Variants in FBLN5 observed in about 807,000 individuals in gnomAD.
FBLN5 encodes the protein fibulin 5.
Under a neutral mutation model 61.6 loss-of-function variants are expected in FBLN5, and 24 were observed. That is an observed-to-expected ratio of 0.39 (90% confidence interval 0.28 to 0.55). The LOEUF is 0.55. Among genes scored for constraint, FBLN5 ranks in the 20% least tolerant of loss-of-function variants. FBLN5 has a pLI of 0.65. For missense variants in FBLN5, 470 were observed against 594.1 expected (o/e 0.79, Z 2.17); for synonymous variants, 213 against 219.8 (o/e 0.97, Z 0.27).
intron 4 of FBLN5, among the ~76,000 whole-genome samples, chr14:91,908,874 G>A (rs923490266): frequency 6.6e-6 from 1 of 151,860 alleles, no homozygotes; most frequent in African/African-American, 2.4e-5. Flanking sequence ...TCTTGATTCA[G>A]GAGGTCTAGA....
chr14:91,908,964 C>A (rs546890187), intron 4 of FBLN5, among the ~76,000 whole-genome samples: 1 of 152,054 alleles, frequency 6.6e-6, no homozygotes, highest in East Asian at 1.9e-4. Flanking sequence ...GTCGCTCAGG[C>A]TGGAGTGAAG....
chr14:91,919,671 G>A (rs1356156051), intron 4 of FBLN5, among the ~76,000 whole-genome samples: 1 of 152,204 alleles, frequency 6.6e-6, no homozygotes, highest in Non-Finnish European at 1.5e-5. Flanking sequence ...AGAGGAAACT[G>A]AGACACAAAC....
At position 91,947,365 on chromosome 14, in the gene FBLN5, G is replaced by T; in HGVS notation, c.-136C>A. ...GTTTTATTCCAGAGGGGCCGAGCGAGTCGTGGAGAGGACACGGGGAGAGCG... is the reference window on the plus strand; with the variant it reads ...GTTTTATTCCAGAGGGGCCGAGCGATTCGTGGAGAGGACACGGGGAGAGCG... On this transcript the variant is annotated 5_prime_UTR_variant, in exon 1 of 11. Transcript: ENST00000342058. This position sits in a 1 kb window ranked among gnomAD's most constrained non-coding sequence, Gnocchi z 4.3. 1.0e-6 allele frequency: 1 copy of T among 968,520 alleles called. No homozygotes were observed. The highest frequency in any genetic ancestry group is 1.6e-6 in the Non-Finnish European group (1 of 613,360). The allele number at this position is 968,520 out of a possible 1,614,324, so 60.0% of individuals were successfully genotyped here. A position where few individuals can be genotyped will look rare whatever the true frequency, so the allele number is the denominator to read the frequency against.
intron 4 of FBLN5, among the ~76,000 whole-genome samples, chr14:91,904,724 C>T (rs952354101): frequency 6.6e-6 from 1 of 152,350 alleles, no homozygotes; most frequent in East Asian, 1.9e-4. Flanking sequence ...GGGGGCTCCA[C>T]CCCTGTGACC....
chr14:91,947,100 T>C lies in FBLN5; in HGVS notation c.17+113A>G, dbSNP rs762726578. On this transcript the variant is annotated intron_variant, in intron 1 of 10. Coordinates refer to ENST00000342058, the MANE Select transcript of FBLN5 (RefSeq NM_006329.4). The surrounding 1 kb of genome is among the most constrained non-coding windows in gnomAD (Gnocchi z 4.3). ...ATCATTGCATCACTAGCTCATGCCT[T>C]TTCCAATATCCTGACACCGCCTGAA... 4.5e-6 allele frequency: 7 copies of C among 1,568,176 alleles called. No homozygotes were observed. Among genetic ancestry groups the C allele is most frequent in the Non-Finnish European group, 6.1e-6 (7 of 1,148,754 alleles).
intron 5 of FBLN5, among the ~76,000 whole-genome samples, chr14:91,894,412 A>AAC (rs1308940509): frequency 2.0e-4 from 30 of 147,362 alleles, no homozygotes; most frequent in Non-Finnish European, 3.9e-4. Flanking sequence ...CAAAAAAAAA[A>AAC]AAAAAAAAAA....
intron 4 of FBLN5, among the ~76,000 whole-genome samples, chr14:91,907,930 T>C (rs895968579): frequency 4.6e-5 from 7 of 152,016 alleles, no homozygotes; most frequent in Non-Finnish European, 7.4e-5. Context: ...CTGAGTTAGC[T>C]TCAATCAGAA....
At chr14:91,936,840 T>A in intron 4 of FBLN5, 107 bp downstream of exon 4, 1 of 1,272,736 alleles carries the variant, frequency 7.9e-7, no homozygotes, top group Non-Finnish European at 1.1e-6. Flanking sequence ...ATTGTTTCAC[T>A]GGTGCATTGA....
intron 4 of FBLN5, among the ~76,000 whole-genome samples, chr14:91,912,906 G>A (rs931900471): frequency 1.3e-5 from 2 of 151,676 alleles, no homozygotes; most frequent in Non-Finnish European, 2.9e-5. Flanking sequence ...CCAAAAAGCA[G>A]AAAATGTACT....
At chr14:91,915,495 C>T (rs1032030127) in intron 4 of FBLN5, among the ~76,000 whole-genome samples, 2 of 151,744 alleles carry the variant, frequency 1.3e-5, no homozygotes, top group Non-Finnish European at 2.9e-5. Context: ...ACTATCCTGG[C>T]TAATATGGTG....
At chr14:91,905,666 A>G (rs138898302) in intron 4 of FBLN5, among the ~76,000 whole-genome samples, 1,765 of 138,996 alleles carry the variant, frequency 0.013, 38 homozygotes, top group African/African-American at 0.045. Context: ...TGCAACCTCC[A>G]CCTCCTGGGT....
chr14:91,870,754 G>A (rs771024367), intron 10 of FBLN5, among the ~76,000 whole-genome samples: 4 of 152,214 alleles, frequency 2.6e-5, no homozygotes, highest in Non-Finnish European at 5.9e-5. Flanking sequence ...TAGGCTATGA[G>A]TTCTGTAAGA....
chr14:91,941,129 CTCTT>C (rs1027923194), intron 2 of FBLN5, among the ~76,000 whole-genome samples: 11 of 152,150 alleles, frequency 7.2e-5, no homozygotes, highest in Non-Finnish European at 1.3e-4. Flanking sequence ...AGGGCAATGA[CTCTT>C]TCTTTAGGTG....
intron 4 of FBLN5, among the ~76,000 whole-genome samples, chr14:91,935,717 C>T (rs567513479): frequency 9.9e-5 from 15 of 152,246 alleles, no homozygotes; most frequent in African/African-American, 3.6e-4. Context: ...AAAAAAGTCC[C>T]TTCCAGTTAC....
chr14:91,923,543 C>A (rs2055776764), intron 4 of FBLN5, among the ~76,000 whole-genome samples: 1 of 152,212 alleles, frequency 6.6e-6, no homozygotes, highest in Non-Finnish European at 1.5e-5. Context: ...GTTCCCTAAC[C>A]CTGACTGCCC....
chr14:91,899,427 C>T (rs1404320292), intron 4 of FBLN5, among the ~76,000 whole-genome samples: 2 of 152,230 alleles, frequency 1.3e-5, no homozygotes, highest in Admixed American at 6.5e-5. Flanking sequence ...CCAGCTCTCC[C>T]AGAACCTGGA....
chr14:91,901,318 TCTCA>T (rs1488403834), intron 4 of FBLN5, among the ~76,000 whole-genome samples: 1 of 152,190 alleles, frequency 6.6e-6, no homozygotes, highest in South Asian at 2.1e-4. Flanking sequence ...AGGGAAACAT[TCTCA>T]CTGGGTGACA....
intron 6 of FBLN5, 44 bp from the exon 7 acceptor site, chr14:91,887,356 A>G (rs748165223): frequency 1.2e-6 from 2 of 1,604,098 alleles, no homozygotes; most frequent in Middle Eastern, 1.6e-4. Context: ...TCCCAACAGA[A>G]CAGCCACAAT....
In FBLN5 at chr14:91,940,627, GGA is replaced by G. The variant is rs756990928; in HGVS notation, c.73-13_73-12del. 6.2e-7 allele frequency: 1 copy of G among 1,613,384 alleles called. No homozygotes were observed. Among genetic ancestry groups the G allele is most frequent in the Non-Finnish European group, 8.5e-7 (1 of 1,179,340 alleles). On this transcript the variant is annotated splice_polypyrimidine_tract_variant and intron_variant, in intron 2 of 10. Coordinates refer to ENST00000342058, the MANE Select transcript of FBLN5 (RefSeq NM_006329.4). Reference sequence around the variant, plus strand: ...ATTCGTGCACTGTGCCTGCAGGGAAGGAGAGAGGAGAAACAGGCAAGGTCATT... The same window carrying G: ...ATTCGTGCACTGTGCCTGCAGGGAAGGAGAGGAGAAACAGGCAAGGTCATT...
Sources: gnomAD v4.1 joint callset for allele counts (sites outside exome capture counted in the v4.1 genomes callset) on GRCh38, gnomAD v4.1.1 for gene constraint, Gnocchi (gnomAD v3.1) non-coding constraint, MANE v1.5 for transcripts, NCBI Gene and HGNC (gene_info 2026-07-23, HGNC 2026-07-21) for gene names.